CDK14: variants seen among roughly 807,000 people sequenced by gnomAD.
CDK14 encodes cyclin dependent kinase 14, also known as cyclin-dependent kinase 14.
CDK14 carries 34 observed loss-of-function variants against 60.7 expected under a neutral mutation model. The ratio of observed to expected loss-of-function variants is 0.56; its 90% CI spans 0.43 to 0.75. CDK14 has a LOEUF of 0.75. Among genes scored for constraint, CDK14 ranks in the 30% least tolerant of loss-of-function variants. The probability of loss-of-function intolerance (pLI) is 0.00; values close to 1 mark genes in which losing one functional copy is unlikely to be tolerated. For synonymous variants in CDK14, 197 were observed against 203.7 expected (o/e 0.97, Z 0.28); for missense variants, 482 against 564.1 (o/e 0.85, Z 1.47).
intron 5 of CDK14, among the ~76,000 whole-genome samples, chr7:90,814,380 T>C (rs1426368116): frequency 6.6e-6 from 1 of 152,020 alleles, no homozygotes; most frequent in East Asian, 1.9e-4. Context: ...CATCAGAGCT[T>C]TTTTTTAAAA....
chr7:90,857,085 T>C (rs1465200115), intron 5 of CDK14, among the ~76,000 whole-genome samples: 1 of 149,900 alleles, frequency 6.7e-6, no homozygotes, highest in African/African-American at 2.4e-5. Flanking sequence ...ATATTAAAGG[T>C]TTTTTTCCCC....
At chr7:90,738,818 G>T (rs1803231808) in intron 3 of CDK14, among the ~76,000 whole-genome samples, 1 of 151,394 alleles carries the variant, frequency 6.6e-6, no homozygotes, top group African/African-American at 2.4e-5. Context: ...TAAATGTGAT[G>T]ATTTAATAAA....
intron 8 of CDK14, among the ~76,000 whole-genome samples, chr7:90,933,653 T>C (rs550338275): frequency 6.6e-6 from 1 of 152,284 alleles, no homozygotes; most frequent in South Asian, 2.1e-4. Flanking sequence ...GCTTGGGAGA[T>C]TTAGAGAGAA....
intron 4 of CDK14, among the ~76,000 whole-genome samples, chr7:90,765,361 A>G (rs1009988954): frequency 6.6e-6 from 1 of 152,226 alleles, no homozygotes; most frequent in African/African-American, 2.4e-5. Context: ...TATTAAATTA[A>G]AAGAATGTGT....
At chr7:90,811,882 G>T (rs370079982) in intron 5 of CDK14, among the ~76,000 whole-genome samples, 6 of 152,156 alleles carry the variant, frequency 3.9e-5, no homozygotes, top group Non-Finnish European at 5.9e-5. Context: ...ATCATCACTG[G>T]CCATCAGAGA....
At chr7:91,124,164 A>G (rs1385325491) in intron 14 of CDK14, among the ~76,000 whole-genome samples, 1 of 152,170 alleles carries the variant, frequency 6.6e-6, no homozygotes, top group African/African-American at 2.4e-5. Flanking sequence ...TTGGGATTAC[A>G]GGCATGAGCA....
At chr7:90,803,849 T>C (rs546589641) in intron 5 of CDK14, among the ~76,000 whole-genome samples, 18 of 152,332 alleles carry the variant, frequency 1.2e-4, no homozygotes, top group Admixed American at 1.0e-3. Flanking sequence ...ATCTTCATTT[T>C]ACTAATCAAG....
rs1035704604 is a variant in CDK14, at chr7:90,665,000, G to A, written c.123+60751G>A. ...AATAGTATTTAAAAAGCACTCATTC[G>A]GCCAGGCAAGGTGGCTCACACCTGT... is the stretch of plus-strand genomic sequence containing the variant. On this transcript the variant is annotated intron_variant, in intron 2 of 14. Transcript: ENST00000380050. Among the ~76,000 whole-genome samples, 8 of 151,882 alleles carry A rather than the reference G, an allele frequency of 5.3e-5. No individual in the cohort carries two copies. In the East Asian group the frequency reaches 1.5e-3, roughly 29 times the overall value.
intron 4 of CDK14, among the ~76,000 whole-genome samples, chr7:90,750,153 AACACAC>A (rs3138824): frequency 0.13 from 16,504 of 131,252 alleles, 1,130 homozygotes; most frequent in East Asian, 0.19. Flanking sequence ...GGGGAAAGAA[AACACAC>A]ACACACACAC....
chr7:90,621,647 T>TG (rs1563018738), intron 2 of CDK14, among the ~76,000 whole-genome samples: 1 of 72,750 alleles, frequency 1.4e-5, no homozygotes, highest in South Asian at 4.4e-4. Flanking sequence ...CTTCCTTCCT[T>TG]CCTTCCTTCC....
intron 11 of CDK14, among the ~76,000 whole-genome samples, chr7:91,049,831 T>A (rs1797341818): frequency 6.6e-6 from 1 of 152,200 alleles, no homozygotes; most frequent in Admixed American, 6.5e-5. Flanking sequence ...CAAATGATCC[T>A]TACAGGGAGA....
At chr7:90,855,447 T>C (rs960213377) in intron 5 of CDK14, among the ~76,000 whole-genome samples, 1 of 152,226 alleles carries the variant, frequency 6.6e-6, no homozygotes, top group African/African-American at 2.4e-5. Flanking sequence ...AGATATCTCC[T>C]TTTTAGTATA....
chr7:90,638,657 C>G, intron 2 of CDK14, among the ~76,000 whole-genome samples: 1 of 152,250 alleles, frequency 6.6e-6, no homozygotes, highest in Non-Finnish European at 1.5e-5. Flanking sequence ...CTCTGTATTT[C>G]CTGAATCTGA....
intron 1 of CDK14, among the ~76,000 whole-genome samples, chr7:90,601,523 CTT>C (rs1563011959): frequency 6.6e-6 from 1 of 152,186 alleles, no homozygotes; most frequent in Non-Finnish European, 1.5e-5. Flanking sequence ...GATAATCTGG[CTT>C]CCTGTTCATT....
chr7:90,714,274 A>G (rs1028983456), intron 2 of CDK14, among the ~76,000 whole-genome samples: 10 of 152,030 alleles, frequency 6.6e-5, no homozygotes, highest in Admixed American at 2.0e-4. Context: ...TCCTCAGGTA[A>G]ATGAAATCTT....
At chr7:90,924,932 G>A (rs987527127) in intron 8 of CDK14, among the ~76,000 whole-genome samples, 1 of 151,864 alleles carries the variant, frequency 6.6e-6, no homozygotes, top group African/African-American at 2.4e-5. Flanking sequence ...AGGATATTAG[G>A]ACTTTTTTCA....
chr7:91,090,785 C>T (rs988650899), intron 12 of CDK14, among the ~76,000 whole-genome samples: 2 of 152,144 alleles, frequency 1.3e-5, no homozygotes, highest in Non-Finnish European at 2.9e-5. Context: ...GAATGTCTCT[C>T]TCTTGGGTAT....
At chr7:90,797,159 G>A (rs1420736659) in intron 5 of CDK14, among the ~76,000 whole-genome samples, 1 of 151,824 alleles carries the variant, frequency 6.6e-6, no homozygotes, top group African/African-American at 2.4e-5. Context: ...CACAGCCTGG[G>A]TAGCTTAAAC....
At chr7:90,816,907 G>A (rs1351956471) in intron 5 of CDK14, among the ~76,000 whole-genome samples, 4 of 152,144 alleles carry the variant, frequency 2.6e-5, no homozygotes, top group East Asian at 1.9e-4. Flanking sequence ...GTCCTAGAGC[G>A]AGTAGGTAGT....
Sources: gnomAD v4.1 joint callset for allele counts (sites outside exome capture counted in the v4.1 genomes callset) on GRCh38, gnomAD v4.1.1 for gene constraint, MANE v1.5 for transcripts, NCBI Gene and HGNC (gene_info 2026-07-23, HGNC 2026-07-21) for gene names.